SERPINA11: variants seen among roughly 807,000 people sequenced by gnomAD.
SERPINA11 encodes serpin family A member 11, also known as serpin A11.
Under a neutral mutation model 29.4 loss-of-function variants are expected in SERPINA11, and 28 were observed. That is an observed-to-expected ratio of 0.95 (90% CI 0.70 to 1.30). The LOEUF is 1.30. SERPINA11 is among the 50% of genes most tolerant of loss of function. The probability of loss-of-function intolerance (pLI) is 0.00; values close to 1 mark genes in which losing one functional copy is unlikely to be tolerated. For missense variants in SERPINA11, 530 were observed against 507.3 expected, an observed-to-expected ratio of 1.04 and a Z score of -0.43; for synonymous variants, 253 against 206.6, an observed-to-expected ratio of 1.22 and a Z score of -1.92.
chr14:94,443,345 T>A (rs1261765675), intron 3 of SERPINA11, 120 bp from the exon 4 acceptor site: 7 of 915,308 alleles, frequency 7.6e-6, no homozygotes, highest in African/African-American at 3.4e-5. Context: ...AAGCAACCAG[T>A]CTTCCCATGA....
intron 1 of SERPINA11, among the ~76,000 whole-genome samples, chr14:94,452,146 C>T (rs1898597887): frequency 6.6e-6 from 1 of 152,132 alleles, no homozygotes; most frequent in Non-Finnish European, 1.5e-5. Flanking sequence ...TAGTCACATT[C>T]AATGAAGAGT....
Position 94,449,455 on chromosome 14 carries a change from TTC to T in SERPINA11, c.-3-680_-3-679del, listed in dbSNP as rs1566784688. Among the ~76,000 whole-genome samples the T allele has an allele frequency of 4.1e-5, 4 of 97,776 alleles. 1 individual carries two copies. Among genetic ancestry groups the T allele is most frequent in the African/African-American group, 2.8e-4 (4 of 14,406 alleles). The allele number at this position is 97,776 out of a possible 152,430, so 64.1% of individuals were successfully genotyped here. The stretch of plus-strand genomic sequence containing the variant: ...TTTCTTTCTTTCTTTCTTTCTTTCT[TTC>T]TTTCTTTCTTTCTTTCTTTCTTTCT... On this transcript the variant is annotated intron_variant, in intron 1 of 4. Transcript: ENST00000334708.
chr14:94,448,066 G>C, intron 2 of SERPINA11, 66 bp downstream of exon 2: 2 of 1,474,600 alleles, frequency 1.4e-6, no homozygotes, highest in Non-Finnish European at 1.9e-6. Flanking sequence ...CTATTAGCTG[G>C]CTCTCTGCTG....
At chr14:94,451,222 C>T (rs1296593037) in intron 1 of SERPINA11, among the ~76,000 whole-genome samples, 1 of 152,198 alleles carries the variant, frequency 6.6e-6, no homozygotes, top group Middle Eastern at 3.2e-3. Flanking sequence ...CCTAAGTAGC[C>T]TGCCAAACGA....
intron 1 of SERPINA11, among the ~76,000 whole-genome samples, chr14:94,450,262 A>G (rs1286942960): frequency 6.6e-6 from 1 of 152,148 alleles, no homozygotes; most frequent in Non-Finnish European, 1.5e-5. Context: ...CTAGACACCT[A>G]GTATCTCCAG....
chr14:94,449,476 TCTTTCTGTCTGTCTG>T (rs1336629567), intron 1 of SERPINA11, among the ~76,000 whole-genome samples: 8 of 115,552 alleles, frequency 6.9e-5, no homozygotes, highest in African/African-American at 3.7e-4. Flanking sequence ...TTTCTTTCTT[TCTTTCTGTCTGTCTG>T]TCTTTCTTTC....
At chr14:94,448,008 G>GA in intron 2 of SERPINA11, 124 bp downstream of exon 2, 1 of 960,598 alleles carries the variant, frequency 1.0e-6, no homozygotes, top group South Asian at 1.6e-5. Context: ...GCAAGGGTGG[G>GA]AAAGCTCTAT....
At chr14:94,449,501 C>T (rs56345929) in intron 1 of SERPINA11, among the ~76,000 whole-genome samples, 66,176 of 113,388 alleles carry the variant, frequency 0.58, 21,456 homozygotes, top group Non-Finnish European at 0.64. Flanking sequence ...GTCTTTCTTT[C>T]TCTTTCTTTT....
At chr14:94,446,924 GAAAT>G (rs1202131452) in intron 2 of SERPINA11, among the ~76,000 whole-genome samples, 2 of 152,162 alleles carry the variant, frequency 1.3e-5, no homozygotes, top group African/African-American at 4.8e-5. Flanking sequence ...AAATTAATAA[GAAAT>G]AAGTATTATT....
At chr14:94,445,924 A>G (rs1246424354) in intron 3 of SERPINA11, among the ~76,000 whole-genome samples, 3 of 152,018 alleles carry the variant, frequency 2.0e-5, no homozygotes, top group African/African-American at 7.2e-5. Flanking sequence ...GCTGTACTTA[A>G]CCACCTTCTG....
At chr14:94,450,020 G>A (rs1213422375) in intron 1 of SERPINA11, among the ~76,000 whole-genome samples, 1 of 152,164 alleles carries the variant, frequency 6.6e-6, no homozygotes, top group African/African-American at 2.4e-5. Context: ...CTGGATGTGT[G>A]GATGAAGACA....
At chr14:94,447,627 GT>G (rs1287751276) in intron 2 of SERPINA11, among the ~76,000 whole-genome samples, 1 of 152,196 alleles carries the variant, frequency 6.6e-6, no homozygotes, top group African/African-American at 2.4e-5. Flanking sequence ...ACCTGGCCTT[GT>G]TTCCCTCTGC....
At chr14:94,449,390 C>CTCTTTTTTCTTTCTT (rs1555373597) in intron 1 of SERPINA11, among the ~76,000 whole-genome samples, 1 of 97,112 alleles carries the variant, frequency 1.0e-5, no homozygotes, top group Non-Finnish European at 2.0e-5. Flanking sequence ...GCCTCCCTCC[C>CTCTTTTTTCTTTCTT]TCTTTCTTTC....
In SERPINA11 at chr14:94,448,161, A is replaced by G. The variant is rs1274474332; in HGVS notation, c.614T>C (p.Met205Thr). 8 of 1,614,184 alleles carry G rather than the reference A, an allele frequency of 5.0e-6. No individual in the cohort carries two copies. The highest frequency in any genetic ancestry group is 5.9e-6 in the Non-Finnish European group (7 of 1,179,994). ...CLPEFSQDTF[M>T]VLANYIFFKA... ...GAAGAAGATGTAATTGGCAAGAACC[A>G]TGAACGTGTCCTGGCTGAACTCCGG... Residue 205 changes from methionine (M) to threonine (T), a missense_variant, in exon 2 of 5, where the codon ATG becomes ACG. Met to Thr is a moderately conservative substitution (Grantham distance 81, BLOSUM62 -1). Coordinates refer to ENST00000334708, the MANE Select transcript of SERPINA11 (RefSeq NM_001080451.2).
At chr14:94,447,502 C>T (rs931345561) in intron 2 of SERPINA11, among the ~76,000 whole-genome samples, 1 of 152,202 alleles carries the variant, frequency 6.6e-6, no homozygotes, top group Non-Finnish European at 1.5e-5. Context: ...CCCTTCCAAA[C>T]CACCTTCCAA....
intron 2 of SERPINA11, among the ~76,000 whole-genome samples, chr14:94,447,051 T>A (rs1898456467): frequency 6.6e-6 from 1 of 152,216 alleles, no homozygotes. Flanking sequence ...ACTGAATTAA[T>A]CCTTCTCAAC....
At chr14:94,450,005 G>A (rs1466921378) in intron 1 of SERPINA11, among the ~76,000 whole-genome samples, 1 of 152,140 alleles carries the variant, frequency 6.6e-6, no homozygotes, top group Admixed American at 6.5e-5. Context: ...GTGAGGATCG[G>A]CCATCTGGAT....
Position 94,448,670 on chromosome 14 carries a change from G to T in SERPINA11, c.105C>A (p.Pro35=), listed in dbSNP as rs1174562949. Residue 35 remains proline, a synonymous_variant, in exon 2 of 5, where the codon CCC becomes CCA. Transcript: ENST00000334708. Reference sequence around the variant, plus strand: ...CTGGCTCTGAGAGCTGATGCCTGGGGGGTTGAGGCCCCTGCAGACTTTTAT... The same window carrying T: ...CTGGCTCTGAGAGCTGATGCCTGGGTGGTTGAGGCCCCTGCAGACTTTTAT... The part of the protein sequence containing the change: ...HGDKSLQGPQ[P]PRHQLSEPAP... 1.3e-6 allele frequency: 2 copies of T among 1,576,964 alleles called. No individual in the cohort carries two copies. The highest frequency in any genetic ancestry group is 1.7e-6 in the Non-Finnish European group (2 of 1,161,254).
Position 94,448,631 on chromosome 14 carries a change from G to A in SERPINA11, c.144C>T (p.His48=), listed in dbSNP as rs1300940384. Residue 48 remains histidine, a synonymous_variant, in exon 2 of 5, where the codon CAC becomes CAT. Transcript: ENST00000334708. ...HQLSEPAPAY[H]RITPTITNFA... ...AATTGGTAATGGTGGGTGTGATTCT[G>A]TGGTAGGCGGGGGCTGGCTCTGAGA... is the stretch of plus-strand genomic sequence containing the variant. 1 of 1,607,546 alleles carries A rather than the reference G, an allele frequency of 6.2e-7. No homozygotes were observed. Among genetic ancestry groups the A allele is most frequent in the Admixed American group, 1.7e-5 (1 of 59,674 alleles).
Sources: gnomAD v4.1 joint callset for allele counts (sites outside exome capture counted in the v4.1 genomes callset) on GRCh38, gnomAD v4.1.1 for gene constraint, MANE v1.5 for transcripts, NCBI Gene and HGNC (gene_info 2026-07-23, HGNC 2026-07-21) for gene names.